The following ARID4A variants were observed in gnomAD, a reference collection of about 807,000 sequenced individuals.
ARID4A encodes the protein AT-rich interaction domain 4A, also known as AT-rich interactive domain-containing protein 4A.
Under a neutral mutation model 148.6 loss-of-function variants are expected in ARID4A, and 39 were observed. The observed-to-expected ratio is 0.26, with a 90% CI of 0.20 to 0.34. The LOEUF (loss-of-function observed/expected upper bound fraction) is 0.34, where lower values mean the gene tolerates loss of function less well. ARID4A is among the 10% of genes least tolerant of loss of function. The pLI, the probability that ARID4A is intolerant of heterozygous loss-of-function variation, is 1.00. For synonymous variants in ARID4A, 475 were observed against 481.2 expected (o/e 0.99, Z 0.17); for missense variants, 1,265 against 1,449.1 (o/e 0.87, Z 2.06).
intron 5 of ARID4A, among the ~76,000 whole-genome samples, chr14:58,311,523 G>T (rs140234618): frequency 6.6e-6 from 1 of 152,104 alleles, no homozygotes; most frequent in African/African-American, 2.4e-5. Context: ...ATGGAAAATA[G>T]CATAGAAGTT....
rs2030920818 is a variant in ARID4A, at chr14:58,299,439, G to GC, written c.-57-358dup. The GC allele has an allele frequency of 1.6e-4, 27 of 169,396 alleles. No individual in the cohort carries two copies. The Admixed American group carries it at 1.7e-3, about 10-fold the overall frequency. The allele number at this position is 169,396 out of a possible 1,614,324, so 10.5% of individuals were successfully genotyped here. A position where few individuals can be genotyped will look rare whatever the true frequency, so the allele number is the denominator to read the frequency against. ...GTCGGGGTATCCGGGGGACCGCGGA[G>GC]CGGAGGCTCGGCGGTCGTCTCCGCG... On this transcript the variant is annotated intron_variant, in intron 1 of 23. Transcript: ENST00000355431.
At chr14:58,354,465 T>C (rs964784623) in intron 17 of ARID4A, among the ~76,000 whole-genome samples, 1 of 152,038 alleles carries the variant, frequency 6.6e-6, no homozygotes, top group Non-Finnish European at 1.5e-5. Flanking sequence ...GAAGGACTGC[T>C]TGAGGCCAGG....
intron 8 of ARID4A, among the ~76,000 whole-genome samples, chr14:58,326,088 G>A (rs139276263): frequency 6.6e-6 from 1 of 152,126 alleles, no homozygotes; most frequent in African/African-American, 2.4e-5. Context: ...CACAAAGCAG[G>A]TGCTTTTGAG....
chr14:58,309,870 G>A (rs1392963283), intron 5 of ARID4A, among the ~76,000 whole-genome samples: 16 of 152,172 alleles, frequency 1.1e-4, no homozygotes, highest in Non-Finnish European at 1.6e-4. Flanking sequence ...GTAAGTTCTA[G>A]TTAATATTGA....
rs1179556902 is a variant in ARID4A at position 58,301,591 on chromosome 14, G to A, written c.18G>A (p.Glu6=). 4 of 1,613,570 alleles carry A rather than the reference G, an allele frequency of 2.5e-6. No homozygotes were observed. Among genetic ancestry groups the A allele is most frequent in the Non-Finnish European group, 3.4e-6 (4 of 1,179,690 alleles). The change falls in exon 3 of 24, where the codon GAG becomes GAA. Residue 6 remains glutamate, a synonymous_variant. Transcript: ENST00000355431. Reference sequence around the variant, plus strand: ...GTTCCTTTCACCAGGCGGCAGATGAGCCTGCCTACCTGACAGTGGGAACCG... The same window carrying A: ...GTTCCTTTCACCAGGCGGCAGATGAACCTGCCTACCTGACAGTGGGAACCG... MKAAD[E]PAYLTVGTDV... is the part of the protein sequence containing the mutation.
At chr14:58,328,352 G>T in intron 9 of ARID4A, 36 bp downstream of exon 9, 1 of 1,350,896 alleles carries the variant, frequency 7.4e-7, no homozygotes, top group Non-Finnish European at 1.0e-6. Context: ...TTACGTGGGA[G>T]GAAAAAAAAA....
intron 2 of ARID4A, among the ~76,000 whole-genome samples, chr14:58,300,240 A>C (rs1019532909): frequency 6.6e-6 from 1 of 152,224 alleles, no homozygotes; most frequent in Admixed American, 6.5e-5. Context: ...TAAAAGAAAG[A>C]ATACGTGGAT....
intron 7 of ARID4A, among the ~76,000 whole-genome samples, chr14:58,322,562 A>G (rs2032960238): frequency 1.3e-5 from 2 of 152,210 alleles, no homozygotes; most frequent in Non-Finnish European, 2.9e-5. Flanking sequence ...GACTAAAACC[A>G]TAAAAATATA....
chr14:58,364,571 C>T lies in ARID4A; in HGVS notation c.2482C>T (p.Leu828Phe). ...TGAACCTCATATAGAAGCTCATAGT[C>T]TTGAATTGTCTTCATTAGACAATAA... ...GSEPHIEAHS[L>F]ELSSLDNKNF... Residue 828 changes from leucine to phenylalanine, a missense_variant, in exon 20 of 24, where the codon CTT (leucine) becomes TTT (phenylalanine). Transcript: ENST00000355431. 1 of 1,611,948 alleles carries T rather than the reference C, an allele frequency of 6.2e-7. No individual in the cohort carries two copies. The highest frequency in any genetic ancestry group is 8.5e-7 in the Non-Finnish European group (1 of 1,179,606).
At chr14:58,330,216 A>G (rs774340562) in intron 11 of ARID4A, 47 bp downstream of exon 11, 4 of 1,578,632 alleles carry the variant, frequency 2.5e-6, no homozygotes, top group South Asian at 1.2e-5. Flanking sequence ...AATACTCTCT[A>G]GTGAAAATAA....
At chr14:58,367,616 G>A (rs975599847) in intron 23 of ARID4A, among the ~76,000 whole-genome samples, 2 of 152,238 alleles carry the variant, frequency 1.3e-5, no homozygotes, top group African/African-American at 4.8e-5. Flanking sequence ...TTAGTGGAAG[G>A]AGAGGTTACT....
chr14:58,299,997 T>C, intron 2 of ARID4A, 137 bp downstream of exon 2: 1 of 1,237,040 alleles, frequency 8.1e-7, no homozygotes, highest in Non-Finnish European at 1.2e-6. Flanking sequence ...TAGGAGGATG[T>C]GTTGAATGGG....
chr14:58,310,915 TAAAC>T (rs760508707), intron 5 of ARID4A, among the ~76,000 whole-genome samples: 2 of 151,982 alleles, frequency 1.3e-5, no homozygotes, highest in East Asian at 3.9e-4. Context: ...ATAAGGAACT[TAAAC>T]AACTCGATAG....
intron 5 of ARID4A, among the ~76,000 whole-genome samples, chr14:58,309,272 C>T (rs550882336): frequency 3.9e-5 from 6 of 152,300 alleles, no homozygotes; most frequent in Admixed American, 6.5e-5. Context: ...TGAGCCACTG[C>T]TCTCAGCTTC....
rs1396362923 is a variant in ARID4A at position 58,364,207 on chromosome 14, A to G, written c.2118A>G (p.Leu706=). The G allele has an allele frequency of 2.0e-6, 3 of 1,468,896 alleles. No homozygotes were observed. Among genetic ancestry groups the G allele is most frequent in the East Asian group, 2.4e-5 (1 of 41,438 alleles). 91.0% of individuals were successfully genotyped at this position (1,468,896 alleles called of 1,614,324 possible). The change falls in exon 20 of 24, where the codon TTA becomes TTG. Residue 706 remains leucine (L), a synonymous_variant. Transcript: ENST00000355431. Reference sequence around the variant, plus strand: ...CTGATAGTGAAACAGAAGATGCTTTAGAAAAGAATTTAATAAATGAAGAAC... The same window carrying G: ...CTGATAGTGAAACAGAAGATGCTTTGGAAAAGAATTTAATAAATGAAGAAC... ...CSSDSETEDA[L]EKNLINEELS... is the part of the protein sequence containing the mutation.
chr14:58,325,201 C>G (rs1300684115), intron 8 of ARID4A, among the ~76,000 whole-genome samples: 1 of 152,174 alleles, frequency 6.6e-6, no homozygotes, highest in Non-Finnish European at 1.5e-5. Context: ...TCCTCCACTT[C>G]TTCATCCCCT....
intron 5 of ARID4A, among the ~76,000 whole-genome samples, chr14:58,316,261 T>C (rs956478853): frequency 1.3e-5 from 2 of 152,216 alleles, no homozygotes; most frequent in Non-Finnish European, 2.9e-5. Flanking sequence ...ATTGTGAAAA[T>C]TAGTACTAAA....
chr14:58,366,145 G>A lies in ARID4A; in HGVS notation c.3438G>A (p.Pro1146=), dbSNP rs776784438. The change falls in exon 22 of 24, where the codon CCG becomes CCA. Residue 1146 remains proline, a synonymous_variant. Transcript: ENST00000355431. The part of the protein sequence containing the change: ...KLARSPARIS[P]HIKDGEKDKH... ...CACGATCTCCTGCAAGAATATCCCCGCACATCAAAGATGGAGAGAAAGATA... is the reference window on the plus strand; with the variant it reads ...CACGATCTCCTGCAAGAATATCCCCACACATCAAAGATGGAGAGAAAGATA... 1.2e-5 allele frequency: 20 copies of A among 1,613,796 alleles called. No individual in the cohort carries two copies. Among genetic ancestry groups the A allele is most frequent in the South Asian group, 3.3e-5 (3 of 91,072 alleles).
At chr14:58,317,855 T>C (rs1262045777) in intron 5 of ARID4A, among the ~76,000 whole-genome samples, 3 of 151,968 alleles carry the variant, frequency 2.0e-5, no homozygotes, top group Non-Finnish European at 4.4e-5. Flanking sequence ...ACTTCTCAGC[T>C]GGGTACAGTG....
Sources: gnomAD v4.1 joint callset for allele counts (sites outside exome capture counted in the v4.1 genomes callset) on GRCh38, gnomAD v4.1.1 for gene constraint, MANE v1.5 for transcripts, NCBI Gene and HGNC (gene_info 2026-07-23, HGNC 2026-07-21) for gene names.